GRID1: variants seen among roughly 807,000 people sequenced by gnomAD.
The protein encoded by GRID1 is glutamate receptor ionotropic, delta-1.
A neutral mutation model predicts 98.0 loss-of-function variants in GRID1; 28 were observed. The observed-to-expected ratio is 0.29, with a 90% CI of 0.21 to 0.39. GRID1 has a LOEUF of 0.39. GRID1 is among the 10% of genes least tolerant of loss of function. The probability of loss-of-function intolerance (pLI) is 1.00; values close to 1 mark genes in which losing one functional copy is unlikely to be tolerated. For missense variants in GRID1, 1,111 were observed against 1,340.5 expected (o/e 0.83, Z 2.67); for synonymous variants, 553 against 538.5 (o/e 1.03, Z -0.37).
chr10:86,148,606 A>ATTTTAAGTGT (rs1169945790), intron 3 of GRID1, among the ~76,000 whole-genome samples: 1 of 152,314 alleles, frequency 6.6e-6, no homozygotes, highest in East Asian at 1.9e-4. Context: ...AACAGACTCG[A>ATTTTAAGTGT]TTTTAAGTGT....
intron 3 of GRID1, among the ~76,000 whole-genome samples, chr10:86,161,693 T>C (rs1845325861): frequency 6.6e-6 from 1 of 152,158 alleles, no homozygotes; most frequent in African/African-American, 2.4e-5. Context: ...CACATCACCC[T>C]GGTTCTGGGC....
chr10:86,005,985 C>T (rs948941232), intron 4 of GRID1, among the ~76,000 whole-genome samples: 2 of 152,116 alleles, frequency 1.3e-5, no homozygotes, highest in Non-Finnish European at 2.9e-5. Flanking sequence ...TTTTCATGAA[C>T]CCTAATAAGC....
intron 4 of GRID1, among the ~76,000 whole-genome samples, chr10:85,976,467 T>C (rs4934140): frequency 0.013 from 1,978 of 152,338 alleles, 21 homozygotes; most frequent in South Asian, 0.035. Flanking sequence ...CTCCAGAGGA[T>C]GGCACCTCCT....
At chr10:86,352,413 G>A (rs531349343) in intron 2 of GRID1, among the ~76,000 whole-genome samples, 10 of 152,294 alleles carry the variant, frequency 6.6e-5, no homozygotes, top group East Asian at 1.9e-4. Context: ...AACAACAGAC[G>A]AATTTATTTT....
chr10:85,603,914 G>T (rs1316283973), intron 15 of GRID1, among the ~76,000 whole-genome samples: 1 of 145,246 alleles, frequency 6.9e-6, no homozygotes, highest in Non-Finnish European at 1.6e-5. Context: ...GAAATATTAA[G>T]AAATGTAGAA....
At chr10:85,671,420 G>T (rs1311130794) in intron 12 of GRID1, among the ~76,000 whole-genome samples, 4 of 152,050 alleles carry the variant, frequency 2.6e-5, no homozygotes, top group Non-Finnish European at 4.4e-5. Context: ...AGTGATCTAT[G>T]ATCAGTGATT....
intron 2 of GRID1, among the ~76,000 whole-genome samples, chr10:86,256,713 G>T (rs972639447): frequency 1.3e-5 from 2 of 152,172 alleles, no homozygotes; most frequent in Non-Finnish European, 2.9e-5. Flanking sequence ...TGAGATCACA[G>T]CCTGACCTGG....
At chr10:85,985,717 C>A (rs1006696635) in intron 4 of GRID1, among the ~76,000 whole-genome samples, 1 of 152,200 alleles carries the variant, frequency 6.6e-6, no homozygotes, top group African/African-American at 2.4e-5. Context: ...TCTGGTCAGG[C>A]CATCTTTCTA....
In GRID1 at chr10:85,771,264, G is replaced by A. The variant is rs113946877; in HGVS notation, c.1234-41650C>T. Among the ~76,000 whole-genome samples, 5 of 152,282 alleles carry A rather than the reference G, an allele frequency of 3.3e-5. No homozygotes were observed. In the East Asian group the frequency reaches 9.6e-4, roughly 29 times the overall value. On this transcript the variant is annotated intron_variant, in intron 8 of 15. Transcript: ENST00000327946. Reference sequence around the variant, plus strand: ...GAGAAATAAAATACTTTACAGACAAGCAAATGCTGAGAGATTTTGTCACCA... The same window carrying A: ...GAGAAATAAAATACTTTACAGACAAACAAATGCTGAGAGATTTTGTCACCA...
At chr10:86,331,588 G>A (rs1388867386) in intron 2 of GRID1, among the ~76,000 whole-genome samples, 1 of 152,228 alleles carries the variant, frequency 6.6e-6, no homozygotes, top group African/African-American at 2.4e-5. Flanking sequence ...GAGAGACAGA[G>A]ACTCCTAGTC....
chr10:85,999,916 G>A (rs1842784567), intron 4 of GRID1, among the ~76,000 whole-genome samples: 1 of 152,128 alleles, frequency 6.6e-6, no homozygotes, highest in Non-Finnish European at 1.5e-5. Context: ...AACAAAAAAA[G>A]GTAAAGATGT....
intron 3 of GRID1, among the ~76,000 whole-genome samples, chr10:86,184,758 G>A (rs910901004): frequency 6.6e-6 from 1 of 152,036 alleles, no homozygotes; most frequent in African/African-American, 2.4e-5. Context: ...AAACTCAATG[G>A]AATCTACAAA....
At chr10:86,091,063 G>T (rs1266388633) in intron 4 of GRID1, among the ~76,000 whole-genome samples, 1 of 152,126 alleles carries the variant, frequency 6.6e-6, no homozygotes, top group East Asian at 1.9e-4. Flanking sequence ...AGAAGCAGGG[G>T]GTAAAACTCC....
chr10:85,655,987 CA>C (rs538253251), intron 12 of GRID1, among the ~76,000 whole-genome samples: 6,116 of 143,468 alleles, frequency 0.043, 142 homozygotes, highest in Middle Eastern at 0.066. Flanking sequence ...TTCTCTCTCT[CA>C]AAAAAAAAAA....
chr10:85,616,167 A>G (rs1334340154), intron 14 of GRID1, among the ~76,000 whole-genome samples: 1 of 152,224 alleles, frequency 6.6e-6, no homozygotes, highest in Non-Finnish European at 1.5e-5. Flanking sequence ...CAGCACTGAC[A>G]TGAGCGACCT....
chr10:86,136,155 T>A (rs906461338), intron 4 of GRID1, among the ~76,000 whole-genome samples: 5 of 152,200 alleles, frequency 3.3e-5, no homozygotes, highest in African/African-American at 1.2e-4. Flanking sequence ...ATGCAATGCC[T>A]CCAGGTGGTG....
At chr10:86,090,864 AC>A (rs1844136047) in intron 4 of GRID1, among the ~76,000 whole-genome samples, 1 of 152,102 alleles carries the variant, frequency 6.6e-6, no homozygotes, top group South Asian at 2.1e-4. Flanking sequence ...TCCTGAACAC[AC>A]CCCCACTGGA....
At chr10:85,618,453 C>T (rs189223268) in intron 14 of GRID1, among the ~76,000 whole-genome samples, 88 of 152,316 alleles carry the variant, frequency 5.8e-4, no homozygotes, top group African/African-American at 2.0e-3. Context: ...AGAAGCCATT[C>T]TTTCTTCATG....
chr10:85,686,097 G>A (rs1040306091), intron 12 of GRID1, among the ~76,000 whole-genome samples: 6 of 152,004 alleles, frequency 3.9e-5, no homozygotes, highest in African/African-American at 1.4e-4. Flanking sequence ...AATGCTTCAA[G>A]GAAGTTCTGG....
Sources: allele counts gnomAD v4.1 joint callset (sites outside exome capture counted in the v4.1 genomes callset), GRCh38; gene constraint gnomAD v4.1.1; transcripts MANE v1.5; gene names NCBI Gene and HGNC (gene_info 2026-07-23, HGNC 2026-07-21).